The following ANP32B variants were observed in gnomAD, a reference collection of about 807,000 sequenced individuals.
ANP32B encodes acidic leucine-rich nuclear phosphoprotein 32 family member B.
Under a neutral mutation model 32.2 loss-of-function variants are expected in ANP32B, and 6 were observed. The observed-to-expected ratio is 0.19, with a 90% confidence interval of 0.10 to 0.37. The LOEUF (loss-of-function observed/expected upper bound fraction) is 0.37, where lower values mean the gene tolerates loss of function less well. Among genes scored for constraint, ANP32B ranks in the 10% least tolerant of loss-of-function variants. The pLI, the probability that ANP32B is intolerant of heterozygous loss-of-function variation, is 1.00. For missense variants in ANP32B, 204 were observed against 289.2 expected (o/e 0.71, Z 2.14); for synonymous variants, 98 against 105.8 (o/e 0.93, Z 0.45).
chr9:97,984,562 C>T (rs1827669831), intron 1 of ANP32B: 1 of 138,958 alleles, frequency 7.2e-6, no homozygotes, highest in South Asian at 2.8e-4. Context: ...CGGGGCGCGC[C>T]ACAGGCCGCC....
intron 3 of ANP32B, among the ~76,000 whole-genome samples, chr9:97,999,258 A>T (rs1428854716): frequency 6.6e-6 from 1 of 152,110 alleles, no homozygotes; most frequent in Non-Finnish European, 1.5e-5. Context: ...TTTGTTTTGG[A>T]TCCACTTTTG....
chr9:98,006,385 T>C lies in ANP32B; in HGVS notation c.517+1232T>C, dbSNP rs183499838. On this transcript the variant is annotated intron_variant, in intron 4 of 6. Transcript: ENST00000339399. ...GTCAGTGCATGGCCTGCCCATTTTTTTATTTACCACTTCCATCCACACCTC... is the reference window on the plus strand; with the variant it reads ...GTCAGTGCATGGCCTGCCCATTTTTCTATTTACCACTTCCATCCACACCTC... Among the ~76,000 whole-genome samples the C allele has an allele frequency of 3.9e-4, 60 of 152,230 alleles. No homozygotes were observed. The South Asian group carries it at 8.5e-3, about 22-fold the overall frequency.
rs76994066 is a variant in ANP32B at position 98,011,125 on chromosome 9, T to C, written c.518-146T>C. On this transcript the variant is annotated intron_variant, in intron 4 of 6. Coordinates refer to ENST00000339399, the MANE Select transcript of ANP32B (RefSeq NM_006401.3). ...ATGGGACTCTATCGGACAAAGGGAC[T>C]GAGCTGTAGCACATAGTAGAAAGAA... 2.8e-4 allele frequency: 335 copies of C among 1,176,440 alleles called. 2 individuals carry two copies. In the East Asian group the frequency reaches 5.3e-3, roughly 19 times the overall value. The allele number at this position is 1,176,440 out of a possible 1,614,324, so 72.9% of individuals were successfully genotyped here.
rs565283688 is a variant in ANP32B, at chr9:97,987,241, CA to C, written c.54+3636del. ...GGCAGGGTATATTCTCATAGTGGAA[CA>C]AAATGGCCTAAGATGGCATTTTAAA... On this transcript the variant is annotated intron_variant, in intron 1 of 6. Transcript: ENST00000339399. Among the ~76,000 whole-genome samples the C allele has an allele frequency of 1.2e-3, 166 of 141,908 alleles. 2 individuals are homozygous for C. Among genetic ancestry groups the C allele is most frequent in the Middle Eastern group, 0.011 (3 of 268 alleles). The allele number at this position is 141,908 out of a possible 152,430, so 93.1% of individuals were successfully genotyped here. A position where few individuals can be genotyped will look rare whatever the true frequency, so the allele number is the denominator to read the frequency against.
At chr9:97,996,197 T>C (rs1181407926) in intron 2 of ANP32B, among the ~76,000 whole-genome samples, 1 of 152,222 alleles carries the variant, frequency 6.6e-6, no homozygotes, top group Non-Finnish European at 1.5e-5. Flanking sequence ...TTTTAGCATC[T>C]ATTTACATAA....
intron 1 of ANP32B, among the ~76,000 whole-genome samples, chr9:97,985,619 G>A (rs1587869533): frequency 6.6e-6 from 1 of 152,334 alleles, no homozygotes; most frequent in Non-Finnish European, 1.5e-5. Context: ...AAGTACACAC[G>A]TGGGTCTTCA....
At chr9:98,004,098 A>G (rs1292701424) in intron 3 of ANP32B, among the ~76,000 whole-genome samples, 3 of 152,222 alleles carry the variant, frequency 2.0e-5, no homozygotes, top group African/African-American at 7.2e-5. Flanking sequence ...GTACACTGAT[A>G]TAATAACAAA....
intron 3 of ANP32B, among the ~76,000 whole-genome samples, chr9:97,999,312 ATTT>A (rs2131586146): frequency 6.6e-6 from 1 of 152,234 alleles, no homozygotes; most frequent in Non-Finnish European, 1.5e-5. Flanking sequence ...GTTCTTAACA[ATTT>A]TTTTCTTCAG....
intron 3 of ANP32B, among the ~76,000 whole-genome samples, chr9:98,000,205 C>T (rs1827967191): frequency 6.6e-6 from 1 of 152,160 alleles, no homozygotes; most frequent in Non-Finnish European, 1.5e-5. Context: ...TCTTGAACTC[C>T]TGCCCTCAAG....
chr9:98,013,072 G>A (rs1322873910), intron 6 of ANP32B, among the ~76,000 whole-genome samples: 2 of 152,148 alleles, frequency 1.3e-5, no homozygotes, highest in Admixed American at 1.3e-4. Flanking sequence ...CGCCCAGTCT[G>A]GAGTTCACTG....
At chr9:98,012,042 C>T (rs1325029366) in intron 5 of ANP32B, among the ~76,000 whole-genome samples, 1 of 152,118 alleles carries the variant, frequency 6.6e-6, no homozygotes, top group African/African-American at 2.4e-5. Context: ...TGTGTGATGT[C>T]ATTAGGTGTA....
At chr9:97,983,676 G>A (rs1309185767) in intron 1 of ANP32B, 67 bp downstream of exon 1, 1 of 1,339,080 alleles carries the variant, frequency 7.5e-7, no homozygotes, top group South Asian at 1.4e-5. Flanking sequence ...CCACCTGCGG[G>A]GCCCGGGCTG....
chr9:98,014,869 C>T (rs1374130893), intron 6 of ANP32B, among the ~76,000 whole-genome samples: 2 of 152,204 alleles, frequency 1.3e-5, no homozygotes, highest in East Asian at 3.8e-4. Context: ...TCTCATGCCT[C>T]ATCATCCAGA....
Position 97,985,070 on chromosome 9 carries a change from C to A in ANP32B, c.54+1461C>A, listed in dbSNP as rs980934648. On this transcript the variant is annotated intron_variant, in intron 1 of 6. Transcript: ENST00000339399. The stretch of plus-strand genomic sequence containing the variant: ...CGCGGCTGCCCGCCGTCGCGAGCCC[C>A]CCCCCCGCCGCGGACCGGCGCGGGC... Among the ~76,000 whole-genome samples the A allele has an allele frequency of 3.3e-5, 5 of 150,322 alleles. No individual in the cohort carries two copies. In the East Asian group the frequency reaches 7.9e-4, roughly 24 times the overall value.
chr9:98,010,262 GT>G (rs10709205), intron 4 of ANP32B, among the ~76,000 whole-genome samples: 77,060 of 138,648 alleles, frequency 0.56, 21,090 homozygotes, highest in African/African-American at 0.6. Flanking sequence ...GAGAAATGGT[GT>G]TTTTTTTTTT....
rs1339906176 is a variant in ANP32B, at chr9:98,011,319, A to C, written c.566A>C (p.Glu189Ala). Residue 189 changes from glutamate to alanine, a missense_variant, in exon 5 of 7, where the codon GAG (glutamate) becomes GCG (alanine). Physicochemically the swap from Glu to Ala is moderately radical, Grantham distance 107. Coordinates refer to ENST00000339399, the MANE Select transcript of ANP32B (RefSeq NM_006401.3). ...GACGATGAGGATGGTGAAGAAGAGG[A>C]GTTTGATGAAGAAGATGATGAAGAT... ...DEDDEDGEEE[E>A]FDEEDDEDED... The C allele has an allele frequency of 9.7e-6, 15 of 1,548,088 alleles. No homozygotes were observed. Among genetic ancestry groups the C allele is most frequent in the African/African-American group, 1.4e-5 (1 of 73,142 alleles).
chr9:98,012,623 G>C, intron 6 of ANP32B, 151 bp downstream of exon 6: 2 of 1,227,430 alleles, frequency 1.6e-6, no homozygotes, highest in South Asian at 1.4e-5. Flanking sequence ...CGTCCCATCA[G>C]TGTGTCTGTG....
rs112073824 is a variant in ANP32B at position 98,015,428 on chromosome 9, T to C, written c.753T>C (p.Asp251=). The C allele has an allele frequency of 2.0e-5, 31 of 1,549,594 alleles. No individual in the cohort carries two copies. Among genetic ancestry groups the C allele is most frequent in the Non-Finnish European group, 2.7e-5 (31 of 1,146,806 alleles). Residue 251 remains aspartate (D), a synonymous_variant, in exon 7 of 7, where the codon GAT becomes GAC. Transcript: ENST00000339399. The part of the protein sequence containing the change: ...KRETDDEGED[D] ...AAACAGATGATGAAGGAGAAGATGATTAAGACCCCAGATGACCTGCAGAAA... is the reference window on the plus strand; with the variant it reads ...AAACAGATGATGAAGGAGAAGATGACTAAGACCCCAGATGACCTGCAGAAA...
At chr9:98,015,130 C>G (rs959376274) in intron 6 of ANP32B, among the ~76,000 whole-genome samples, 1 of 152,154 alleles carries the variant, frequency 6.6e-6, no homozygotes, top group Admixed American at 6.5e-5. Context: ...ACCTTAAAAT[C>G]GAGGAAACTG....
Sources: gnomAD v4.1 joint callset for allele counts (sites outside exome capture counted in the v4.1 genomes callset) on GRCh38, gnomAD v4.1.1 for gene constraint, MANE v1.5 for transcripts, NCBI Gene and HGNC (gene_info 2026-07-23, HGNC 2026-07-21) for gene names.